PRKAG2: variants seen among roughly 807,000 people sequenced by gnomAD.
PRKAG2 encodes the protein protein kinase AMP-activated non-catalytic subunit gamma 2.
In PRKAG2, 26 loss-of-function variants were observed where a neutral mutation model predicts 69.6. The observed-to-expected ratio is 0.37, with a 90% CI of 0.27 to 0.52. The LOEUF (loss-of-function observed/expected upper bound fraction) is 0.52, where lower values mean the gene tolerates loss of function less well. Among genes scored for constraint, PRKAG2 ranks in the 20% least tolerant of loss-of-function variants. The pLI is 0.90. For synonymous variants in PRKAG2, 293 were observed against 285.0 expected, an observed-to-expected ratio of 1.03 and a Z score of -0.28; for missense variants, 557 against 740.0, an observed-to-expected ratio of 0.75 and a Z score of 2.87.
chr7:151,772,584 T>G (rs1218835888), intron 3 of PRKAG2, among the ~76,000 whole-genome samples: 1 of 152,176 alleles, frequency 6.6e-6, no homozygotes, highest in Non-Finnish European at 1.5e-5. Context: ...ACAAACATAT[T>G]TTTTGCACCT....
chr7:151,758,418 G>T (rs1022565749), intron 3 of PRKAG2, among the ~76,000 whole-genome samples: 1 of 152,208 alleles, frequency 6.6e-6, no homozygotes, highest in Non-Finnish European at 1.5e-5. Context: ...AGATAAATGT[G>T]TCAACTACCC....
In PRKAG2 at chr7:151,789,580, C is replaced by T. The variant is rs542876658; in HGVS notation, c.115-3039G>A. Among the ~76,000 whole-genome samples, 165 of 152,234 alleles carry T rather than the reference C, an allele frequency of 1.1e-3. 1 individual carries two copies. Among genetic ancestry groups the T allele is most frequent in the Non-Finnish European group, 2.3e-3 (154 of 68,018 alleles). On this transcript the variant is annotated intron_variant, in intron 1 of 15. Transcript: ENST00000287878. Reference sequence around the variant, plus strand: ...GCCCCCTGCTAAGGCCCCAGCCACTCGTACCGTCACCTCAGCAATGGCTTC... The same window carrying T: ...GCCCCCTGCTAAGGCCCCAGCCACTTGTACCGTCACCTCAGCAATGGCTTC...
At chr7:151,846,068 C>T (rs756113112) in intron 1 of PRKAG2, among the ~76,000 whole-genome samples, 10 of 152,194 alleles carry the variant, frequency 6.6e-5, no homozygotes, top group Non-Finnish European at 1.3e-4. Context: ...CCCCTACTTG[C>T]GGTGTGTGAG....
At chr7:151,870,154 T>TAGATAGATAGGCAGGCAGGC (rs1159760978) in intron 1 of PRKAG2, among the ~76,000 whole-genome samples, 12 of 138,434 alleles carry the variant, frequency 8.7e-5, no homozygotes, top group Middle Eastern at 3.7e-3. Flanking sequence ...GATAGATAGA[T>TAGATAGATAGGCAGGCAGGC]AGGCAGGCAG....
intron 1 of PRKAG2, among the ~76,000 whole-genome samples, chr7:151,874,842 T>C (rs138966610): frequency 3.6e-3 from 546 of 152,294 alleles, no homozygotes; most frequent in African/African-American, 0.013. Context: ...TGAGCCATGA[T>C]TGCACCACTG....
At chr7:151,557,945 C>G in intron 15 of PRKAG2, 1 of 983,542 alleles carries the variant, frequency 1.0e-6, no homozygotes, top group Non-Finnish European at 1.2e-6. Flanking sequence ...TTGCACCTAA[C>G]AAGTATCTGG....
chr7:151,750,674 T>C (rs2074606950), intron 3 of PRKAG2, among the ~76,000 whole-genome samples: 1 of 152,048 alleles, frequency 6.6e-6, no homozygotes. Context: ...GGAACTAGAT[T>C]GGGGTGATGG....
chr7:151,869,651 C>A (rs1046054656), intron 1 of PRKAG2, among the ~76,000 whole-genome samples: 1 of 152,256 alleles, frequency 6.6e-6, no homozygotes, highest in African/African-American at 2.4e-5. Context: ...GAAGTGATCA[C>A]GCATCACTGT....
At chr7:151,598,614 C>A (rs1003923293) in intron 5 of PRKAG2, among the ~76,000 whole-genome samples, 21 of 151,292 alleles carry the variant, frequency 1.4e-4, no homozygotes, top group Non-Finnish European at 2.5e-4. Context: ...GAAAAAAGTA[C>A]AATAAAGCAA....
At chr7:151,620,798 A>T (rs1044125240) in intron 5 of PRKAG2, among the ~76,000 whole-genome samples, 9 of 149,290 alleles carry the variant, frequency 6.0e-5, no homozygotes, top group Non-Finnish European at 8.9e-5. Flanking sequence ...GATTAAAAAA[A>T]TTTTTTTTTA....
intron 3 of PRKAG2, among the ~76,000 whole-genome samples, chr7:151,723,466 C>T (rs2151648962): frequency 6.6e-6 from 1 of 152,354 alleles, no homozygotes; most frequent in East Asian, 1.9e-4. Flanking sequence ...CTTCTAAGAA[C>T]ATGGTGGCGA....
chr7:151,709,385 T>C (rs1052984632), intron 3 of PRKAG2, among the ~76,000 whole-genome samples: 2 of 152,166 alleles, frequency 1.3e-5, no homozygotes, highest in African/African-American at 2.4e-5. Flanking sequence ...TATATGACAG[T>C]GACATTGAGT....
chr7:151,632,268 CGCG>C lies in PRKAG2; in HGVS notation c.685-133_685-131del. On this transcript the variant is annotated intron_variant, in intron 4 of 15. Transcript: ENST00000287878. The surrounding 1 kb of genome is among the most constrained non-coding windows in gnomAD (Gnocchi z 4.2). ...CCGGGAGGAGGGGCCTGGCAGGGGA[CGCG>C]GGCAGCGGGGGCCGGGGGCGGAGCG... 9 of 1,027,156 alleles carry C rather than the reference CGCG, an allele frequency of 8.8e-6. No individual in the cohort carries two copies. The highest frequency in any genetic ancestry group is 1.0e-5 in the Non-Finnish European group (9 of 857,314). The allele number at this position is 1,027,156 out of a possible 1,614,324, so 63.6% of individuals were successfully genotyped here.
intron 3 of PRKAG2, among the ~76,000 whole-genome samples, chr7:151,682,897 C>T (rs1013343051): frequency 2.0e-5 from 3 of 152,214 alleles, no homozygotes; most frequent in East Asian, 1.9e-4. Context: ...AGGTCTGCCC[C>T]GGCCCAGGGG....
chr7:151,801,761 C>T (rs1256979100), intron 1 of PRKAG2, among the ~76,000 whole-genome samples: 2 of 152,160 alleles, frequency 1.3e-5, no homozygotes, highest in Non-Finnish European at 2.9e-5. Context: ...GCCAAAGTCA[C>T]CAGAGGAGGA....
chr7:151,858,236 C>G (rs1020493522), intron 1 of PRKAG2, among the ~76,000 whole-genome samples: 2 of 152,100 alleles, frequency 1.3e-5, no homozygotes, highest in African/African-American at 4.8e-5. Flanking sequence ...GCCTACCCCT[C>G]CCCTCCCCTC....
intron 3 of PRKAG2, among the ~76,000 whole-genome samples, chr7:151,737,500 C>G (rs552543841): frequency 6.6e-6 from 1 of 152,160 alleles, no homozygotes; most frequent in Non-Finnish European, 1.5e-5. Context: ...TTCTTCTGGC[C>G]GCCCACTAGG....
intron 3 of PRKAG2, among the ~76,000 whole-genome samples, chr7:151,764,976 C>A (rs2075652674): frequency 6.6e-6 from 1 of 152,210 alleles, no homozygotes; most frequent in African/African-American, 2.4e-5. Context: ...CTTTCCTGGA[C>A]ATTTGCTGTG....
chr7:151,658,695 T>C (rs1829871923), intron 4 of PRKAG2, among the ~76,000 whole-genome samples: 1 of 152,122 alleles, frequency 6.6e-6, no homozygotes, highest in South Asian at 2.1e-4. Flanking sequence ...CCAAGCACAT[T>C]AATGAAGAAC....
Sources: gnomAD v4.1 joint callset for allele counts (sites outside exome capture counted in the v4.1 genomes callset) on GRCh38, gnomAD v4.1.1 for gene constraint, Gnocchi (gnomAD v3.1) non-coding constraint, MANE v1.5 for transcripts, NCBI Gene and HGNC (gene_info 2026-07-23, HGNC 2026-07-21) for gene names.